The following LRMDA variants were observed in gnomAD, a reference collection of about 807,000 sequenced individuals.
LRMDA encodes leucine-rich melanocyte differentiation-associated protein.
LRMDA carries 18 observed loss-of-function variants against 29.8 expected under a neutral mutation model. The ratio of observed to expected loss-of-function variants is 0.60; its 90% CI spans 0.42 to 0.90. LRMDA has a LOEUF of 0.90. Ranked by LOEUF, LRMDA falls within the 40% of genes least tolerant of loss-of-function variation. LRMDA has a pLI of 0.00. For missense variants in LRMDA, 273 were observed against 273.9 expected, an observed-to-expected ratio of 1.00 and a Z score of 0.02; for synonymous variants, 125 against 109.4, an observed-to-expected ratio of 1.14 and a Z score of -0.89.
rs1004335451 is a variant in LRMDA, at chr10:76,146,382, G to A, written c.516+87599G>A. ...ATATGAATCTGGGTGCTCCTGTATT[G>A]GGTGCATATATATTTAGGATAGTTA... On this transcript the variant is annotated intron_variant, in intron 5 of 6. Coordinates refer to ENST00000611255, the MANE Select transcript of LRMDA (RefSeq NM_001305581.2). Among the ~76,000 whole-genome samples, 16 of 151,708 alleles carry A rather than the reference G, an allele frequency of 1.1e-4. No individual in the cohort carries two copies. In the South Asian group the frequency reaches 1.5e-3, roughly 14 times the overall value.
chr10:76,521,381 G>A (rs954082324), intron 6 of LRMDA, among the ~76,000 whole-genome samples: 1 of 152,114 alleles, frequency 6.6e-6, no homozygotes, highest in Non-Finnish European at 1.5e-5. Flanking sequence ...TGATCTGCCC[G>A]CCTCGACCTC....
chr10:76,246,988 A>G (rs1247485), intron 5 of LRMDA, among the ~76,000 whole-genome samples: 79,477 of 152,014 alleles, frequency 0.52, 21,100 homozygotes, highest in South Asian at 0.64. Context: ...AAGTGAAAAC[A>G]ATGGATTTAA....
chr10:75,922,613 C>T (rs947713768), intron 2 of LRMDA, among the ~76,000 whole-genome samples: 27 of 152,182 alleles, frequency 1.8e-4, no homozygotes, highest in African/African-American at 6.5e-4. Flanking sequence ...GCCTTTCCAA[C>T]TTCCACATAT....
At chr10:76,506,554 A>G (rs913159280) in intron 6 of LRMDA, among the ~76,000 whole-genome samples, 7 of 152,120 alleles carry the variant, frequency 4.6e-5, no homozygotes, top group East Asian at 1.9e-4. Flanking sequence ...GCTATCTGCT[A>G]TCAAACACTA....
At chr10:75,619,630 C>T (rs750444639) in intron 2 of LRMDA, among the ~76,000 whole-genome samples, 21 of 152,274 alleles carry the variant, frequency 1.4e-4, no homozygotes, top group African/African-American at 3.4e-4. Flanking sequence ...TTTCTCTGAA[C>T]GTTTCTTCAG....
intron 5 of LRMDA, among the ~76,000 whole-genome samples, chr10:76,151,384 C>G (rs1256519348): frequency 6.6e-6 from 1 of 152,184 alleles, no homozygotes; most frequent in Admixed American, 6.5e-5. Context: ...TCAGTTACCT[C>G]TATTCCATTA....
chr10:76,513,963 A>G (rs2637248), intron 6 of LRMDA, among the ~76,000 whole-genome samples: 118,427 of 152,024 alleles, frequency 0.78, 46,842 homozygotes, highest in Non-Finnish European at 0.86. Context: ...ATTGAATAGG[A>G]TTCTTTCCTG....
At chr10:75,449,065 T>A (rs1475726066) in intron 2 of LRMDA, among the ~76,000 whole-genome samples, 1 of 148,170 alleles carries the variant, frequency 6.7e-6, no homozygotes, top group Non-Finnish European at 1.5e-5. Context: ...GGCAGGAGAA[T>A]CATTTGAACC....
intron 2 of LRMDA, among the ~76,000 whole-genome samples, chr10:75,520,986 AC>A (rs1486299866): frequency 6.6e-6 from 1 of 152,136 alleles, no homozygotes; most frequent in Non-Finnish European, 1.5e-5. Context: ...TCTACTCCAG[AC>A]CCTGTTTACC....
chr10:75,473,669 G>A (rs1844753598), intron 2 of LRMDA, among the ~76,000 whole-genome samples: 1 of 152,218 alleles, frequency 6.6e-6, no homozygotes, highest in Non-Finnish European at 1.5e-5. Context: ...CATTTCTGTG[G>A]CTCAGTTTCC....
intron 2 of LRMDA, among the ~76,000 whole-genome samples, chr10:75,691,278 A>G (rs1336152727): frequency 6.7e-6 from 1 of 149,204 alleles, no homozygotes; most frequent in Non-Finnish European, 1.5e-5. Context: ...ATATATATAT[A>G]TCTTTTTCTG....
intron 5 of LRMDA, among the ~76,000 whole-genome samples, chr10:76,235,204 A>G (rs571315402): frequency 1.3e-3 from 194 of 152,232 alleles, no homozygotes; most frequent in Non-Finnish European, 2.1e-3. Flanking sequence ...GAGATGGGGA[A>G]ACAGTCAGTT....
intron 5 of LRMDA, among the ~76,000 whole-genome samples, chr10:76,136,575 C>G (rs1850098279): frequency 6.8e-6 from 1 of 147,116 alleles, no homozygotes; most frequent in African/African-American, 2.5e-5. Flanking sequence ...TTGTGTCTTC[C>G]AGAAACATAT....
chr10:76,316,088 AAC>A (rs1291052662), intron 5 of LRMDA, among the ~76,000 whole-genome samples: 8 of 152,194 alleles, frequency 5.3e-5, no homozygotes, highest in African/African-American at 1.9e-4. Flanking sequence ...AAAGAGATTT[AAC>A]ACAAACAGGG....
chr10:75,667,220 AC>A (rs34383202), intron 2 of LRMDA, among the ~76,000 whole-genome samples: 103,425 of 149,226 alleles, frequency 0.69, 36,437 homozygotes, highest in East Asian at 0.8. Flanking sequence ...TGATTTTATA[AC>A]CCCCCCCCCC....
intron 2 of LRMDA, among the ~76,000 whole-genome samples, chr10:75,669,543 T>A (rs1370199273): frequency 6.6e-6 from 1 of 152,212 alleles, no homozygotes; most frequent in Non-Finnish European, 1.5e-5. Flanking sequence ...CAAACATTGA[T>A]CTGCCCTTGA....
intron 2 of LRMDA, among the ~76,000 whole-genome samples, chr10:75,722,367 A>T (rs1426147367): frequency 1.3e-5 from 2 of 152,206 alleles, no homozygotes; most frequent in African/African-American, 4.8e-5. Flanking sequence ...CAGATGCTAA[A>T]AAAGTAAGTA....
At chr10:75,780,328 T>C (rs757674305) in intron 2 of LRMDA, among the ~76,000 whole-genome samples, 6 of 152,214 alleles carry the variant, frequency 3.9e-5, no homozygotes, top group Non-Finnish European at 8.8e-5. Context: ...TGAGGGAGAA[T>C]GTCAAATGTT....
intron 1 of LRMDA, among the ~76,000 whole-genome samples, chr10:75,435,410 A>C (rs1322502066): frequency 6.6e-6 from 1 of 152,186 alleles, no homozygotes; most frequent in African/African-American, 2.4e-5. Flanking sequence ...CATTGCTTGC[A>C]ATGTCTGGCA....
Sources: gnomAD v4.1 joint callset for allele counts (sites outside exome capture counted in the v4.1 genomes callset) on GRCh38, gnomAD v4.1.1 for gene constraint, MANE v1.5 for transcripts, NCBI Gene and HGNC (gene_info 2026-07-23, HGNC 2026-07-21) for gene names.